SNX13: variants seen among roughly 807,000 people sequenced by gnomAD.
The protein encoded by SNX13 is sorting nexin-13.
A neutral mutation model predicts 133.6 loss-of-function variants in SNX13; 45 were observed. That is an observed-to-expected ratio of 0.34 (90% confidence interval 0.27 to 0.43). The LOEUF is 0.43. Among genes scored for constraint, SNX13 ranks in the 20% least tolerant of loss-of-function variants. SNX13 has a pLI of 1.00. For missense variants in SNX13, 1,032 were observed against 1,145.1 expected, an observed-to-expected ratio of 0.90 and a Z score of 1.43; for synonymous variants, 414 against 373.9, an observed-to-expected ratio of 1.11 and a Z score of -1.24.
In SNX13 at chr7:17,940,460, C is replaced by G. The variant is rs1010213815; in HGVS notation, c.-165G>C. The G allele has an allele frequency of 2.6e-6, 2 of 771,050 alleles. No homozygotes were observed. The highest frequency in any genetic ancestry group is 4.5e-6 in the Non-Finnish European group (2 of 447,262). The allele number at this position is 771,050 out of a possible 1,614,324, so 47.8% of individuals were successfully genotyped here. On this transcript the variant is annotated 5_prime_UTR_variant, in exon 1 of 26. Transcript: ENST00000428135. ...TTCGCTGGCCTCCCCTCGGCCCGGTCGCTCGCGACGGACGCGCCGCCATCT... is the reference window on the plus strand; with the variant it reads ...TTCGCTGGCCTCCCCTCGGCCCGGTGGCTCGCGACGGACGCGCCGCCATCT...
intron 1 of SNX13, among the ~76,000 whole-genome samples, chr7:17,932,577 T>G (rs1024530645): frequency 7.9e-5 from 12 of 152,218 alleles, no homozygotes; most frequent in African/African-American, 2.7e-4. Context: ...CAAGCTCTAT[T>G]CTAGGCTCTG....
chr7:17,894,027 G>A (rs1796934491), intron 2 of SNX13, among the ~76,000 whole-genome samples: 1 of 150,074 alleles, frequency 6.7e-6, no homozygotes, highest in Admixed American at 6.7e-5. Flanking sequence ...ATCAGGCTGA[G>A]CACAGTGGCT....
intron 1 of SNX13, among the ~76,000 whole-genome samples, chr7:17,904,841 A>C (rs968809878): frequency 7.9e-5 from 12 of 152,192 alleles, no homozygotes; most frequent in African/African-American, 2.7e-4. Context: ...CAATAAGTTG[A>C]ACGTTCTTCT....
chr7:17,881,506 T>C (rs369156577), intron 5 of SNX13: 39 of 152,292 alleles, frequency 2.6e-4, no homozygotes, highest in African/African-American at 9.1e-4. Flanking sequence ...ATCATTAAAA[T>C]AGAATTCCTA....
At chr7:17,868,598 A>T in intron 8 of SNX13, 108 bp from the exon 9 acceptor site, 1 of 779,638 alleles carries the variant, frequency 1.3e-6, no homozygotes, top group Non-Finnish European at 2.0e-6. Context: ...TATGATATAC[A>T]TGTAACTAGG....
At chr7:17,910,002 A>T (rs1798795542) in intron 1 of SNX13, among the ~76,000 whole-genome samples, 2 of 152,154 alleles carry the variant, frequency 1.3e-5, no homozygotes, top group African/African-American at 4.8e-5. Context: ...GATGGCCTCA[A>T]ATTTAAGGAC....
chr7:17,831,095 T>C (rs1426127671), intron 15 of SNX13: 1 of 984,284 alleles, frequency 1.0e-6, no homozygotes, highest in African/African-American at 1.8e-5. Flanking sequence ...TGTGCCCACC[T>C]CTTAAATCTT....
chr7:17,883,698 C>A (rs1795633388), intron 5 of SNX13, among the ~76,000 whole-genome samples: 1 of 152,244 alleles, frequency 6.6e-6, no homozygotes, highest in South Asian at 2.1e-4. Context: ...TATCCTAATG[C>A]TATCCCTCCC....
chr7:17,888,794 A>G (rs1478796484), intron 5 of SNX13: 3 of 468,518 alleles, frequency 6.4e-6, no homozygotes, highest in South Asian at 3.1e-5. Context: ...TTATCCTGAG[A>G]GGAACACAGA....
chr7:17,892,126 A>T (rs1462235259), intron 3 of SNX13, among the ~76,000 whole-genome samples: 2 of 152,038 alleles, frequency 1.3e-5, no homozygotes, highest in Non-Finnish European at 2.9e-5. Flanking sequence ...TGGCCTGAAA[A>T]TTGGGGAAAA....
At chr7:17,852,025 C>T (rs759925149) in intron 9 of SNX13, among the ~76,000 whole-genome samples, 7 of 151,876 alleles carry the variant, frequency 4.6e-5, no homozygotes, top group Non-Finnish European at 1.0e-4. Context: ...AGGCCAAAAA[C>T]GTAGGAAAAA....
intron 1 of SNX13, among the ~76,000 whole-genome samples, chr7:17,926,515 T>C (rs1295478371): frequency 6.6e-6 from 1 of 152,202 alleles, no homozygotes; most frequent in African/African-American, 2.4e-5. Context: ...CATATACTTG[T>C]AAAAATACAT....
chr7:17,805,805 C>A (rs1583475405), intron 20 of SNX13, among the ~76,000 whole-genome samples: 1 of 152,090 alleles, frequency 6.6e-6, no homozygotes, highest in African/African-American at 2.4e-5. Flanking sequence ...CCCAGAAGTA[C>A]TGAAGCCTTT....
chr7:17,792,457 T>A lies in SNX13; in HGVS notation c.*1588A>T, dbSNP rs1175462722. On this transcript the variant is annotated 3_prime_UTR_variant, in exon 26 of 26. Coordinates refer to ENST00000428135, the MANE Select transcript of SNX13 (RefSeq NM_015132.5). ...ACAGCATTATTAATAAATATGATTA[T>A]TATAAAGCTTTAAAGGAAGGCTTTA... The A allele has an allele frequency of 6.6e-6, 1 of 152,458 alleles. No homozygotes were observed. 9.4% of individuals were successfully genotyped at this position (152,458 alleles called of 1,614,324 possible).
chr7:17,905,125 T>C (rs189097024), intron 1 of SNX13, among the ~76,000 whole-genome samples: 2 of 152,340 alleles, frequency 1.3e-5, no homozygotes, highest in East Asian at 1.9e-4. Context: ...CTCCTATGAT[T>C]AGTTTATAGT....
chr7:17,836,909 T>C (rs982016253), intron 13 of SNX13, among the ~76,000 whole-genome samples: 1 of 152,056 alleles, frequency 6.6e-6, no homozygotes, highest in Non-Finnish European at 1.5e-5. Context: ...TAATGACTTT[T>C]CTATCGAGTC....
At chr7:17,896,894 C>T (rs1797272361) in intron 2 of SNX13, among the ~76,000 whole-genome samples, 2 of 152,030 alleles carry the variant, frequency 1.3e-5, no homozygotes. Context: ...ATTTTCTAGA[C>T]CGAAATGACA....
intron 21 of SNX13, 63 bp from the exon 22 acceptor site, chr7:17,801,722 C>T (rs1376276972): frequency 2.5e-6 from 3 of 1,220,784 alleles, no homozygotes; most frequent in Admixed American, 2.2e-5. Context: ...GAACACAACA[C>T]AATCATAAAC....
At chr7:17,913,760 CAAAAAAAAA>C (rs71010278) in intron 1 of SNX13, among the ~76,000 whole-genome samples, 1 of 54,078 alleles carries the variant, frequency 1.8e-5, no homozygotes, top group African/African-American at 9.6e-5. Context: ...TTAACAAAAA[CAAAAAAAAA>C]AAAAAAAAAA....
Sources: gnomAD v4.1 joint callset for allele counts (sites outside exome capture counted in the v4.1 genomes callset) on GRCh38, gnomAD v4.1.1 for gene constraint, MANE v1.5 for transcripts, NCBI Gene and HGNC (gene_info 2026-07-23, HGNC 2026-07-21) for gene names.